The following SLCO3A1 variants were observed in gnomAD, a reference collection of about 807,000 sequenced individuals.
SLCO3A1 encodes solute carrier organic anion transporter family member 3A1.
SLCO3A1 carries 27 observed loss-of-function variants against 63.1 expected under a neutral mutation model. The ratio of observed to expected loss-of-function variants is 0.43; its 90% CI spans 0.32 to 0.59. The LOEUF is 0.59. SLCO3A1 is among the 20% of genes least tolerant of loss of function. The pLI, the probability that SLCO3A1 is intolerant of heterozygous loss-of-function variation, is 0.09. For synonymous variants in SLCO3A1, 473 were observed against 409.9 expected (o/e 1.15, Z -1.86); for missense variants, 773 against 945.8 (o/e 0.82, Z 2.40).
At chr15:91,914,567 CTTTTTTTTTTT>C (rs556314311) in intron 1 of SLCO3A1, among the ~76,000 whole-genome samples, 37 of 122,248 alleles carry the variant, frequency 3.0e-4, no homozygotes, top group African/African-American at 1.1e-3. Flanking sequence ...TATTTTCTTC[CTTTTTTTTTTT>C]TTTTTTTTGG....
intron 2 of SLCO3A1, among the ~76,000 whole-genome samples, chr15:92,049,478 A>G (rs2046930979): frequency 6.6e-6 from 1 of 152,180 alleles, no homozygotes; most frequent in South Asian, 2.1e-4. Flanking sequence ...TGCTGTCACC[A>G]TGGCAACGGA....
chr15:92,154,474 C>A (rs1386963484), intron 9 of SLCO3A1, among the ~76,000 whole-genome samples: 2 of 152,142 alleles, frequency 1.3e-5, no homozygotes, highest in African/African-American at 4.8e-5. Flanking sequence ...TATTAGTTTT[C>A]ACATAAGTAG....
intron 7 of SLCO3A1, among the ~76,000 whole-genome samples, chr15:92,134,290 G>T (rs897750434): frequency 6.6e-6 from 1 of 152,310 alleles, no homozygotes; most frequent in East Asian, 1.9e-4. Context: ...CCTGGTAATG[G>T]CTTGTCAGAA....
At chr15:91,932,188 T>C (rs955529399) in intron 2 of SLCO3A1, among the ~76,000 whole-genome samples, 1 of 152,160 alleles carries the variant, frequency 6.6e-6, no homozygotes, top group Admixed American at 6.5e-5. Context: ...TACCTCCTAG[T>C]AGGTCAGTGA....
intron 2 of SLCO3A1, among the ~76,000 whole-genome samples, chr15:92,075,144 C>T (rs1596077744): frequency 6.6e-6 from 1 of 152,316 alleles, no homozygotes; most frequent in African/African-American, 2.4e-5. Context: ...TTCCTTGTCA[C>T]CTGCTATCTT....
chr15:92,050,743 T>G (rs2046947058), intron 2 of SLCO3A1, among the ~76,000 whole-genome samples: 1 of 152,198 alleles, frequency 6.6e-6, no homozygotes, highest in Admixed American at 6.5e-5. Context: ...AATGTTTTGG[T>G]GGCTTCCTGT....
intron 4 of SLCO3A1, among the ~76,000 whole-genome samples, chr15:92,113,026 A>G (rs1322570974): frequency 6.6e-6 from 1 of 152,170 alleles, no homozygotes; most frequent in Non-Finnish European, 1.5e-5. Flanking sequence ...GCTGGCCTGG[A>G]GTAGTGAAAG....
intron 4 of SLCO3A1, among the ~76,000 whole-genome samples, chr15:92,106,289 C>T (rs554429953): frequency 6.6e-6 from 1 of 152,306 alleles, no homozygotes; most frequent in Non-Finnish European, 1.5e-5. Flanking sequence ...GATGAGAAGG[C>T]CAGCCAATCT....
chr15:92,014,295 C>G (rs1354703986), intron 2 of SLCO3A1, among the ~76,000 whole-genome samples: 1 of 152,106 alleles, frequency 6.6e-6, no homozygotes, highest in Non-Finnish European at 1.5e-5. Context: ...AACTCCGGTT[C>G]AAGCCAAATA....
At position 92,047,496 on chromosome 15, in the gene SLCO3A1, T is replaced by TAA. The variant is rs1555427665; in HGVS notation, c.647-47384_647-47383insAA. ...AAATATATATAAATATATATATAAA[T>TAA]ATATATAAATATATATAAATACATA... On this transcript the variant is annotated intron_variant, in intron 2 of 9. Transcript: ENST00000318445. 4.4e-4 allele frequency among the ~76,000 whole-genome samples: 8 copies of TAA among 18,270 alleles called. 1 individual carries two copies. The highest frequency in any genetic ancestry group is 1.2e-3 in the African/African-American group (7 of 5,688). The allele number at this position is 18,270 out of a possible 152,430, so 12.0% of individuals were successfully genotyped here. A position where few individuals can be genotyped will look rare whatever the true frequency, so the allele number is the denominator to read the frequency against.
chr15:92,130,378 G>T (rs1370671997), intron 7 of SLCO3A1, among the ~76,000 whole-genome samples: 1 of 152,200 alleles, frequency 6.6e-6, no homozygotes, highest in Admixed American at 6.5e-5. Flanking sequence ...GCCTCACATT[G>T]TCTGCTGGGG....
At chr15:92,052,867 C>T (rs189597819) in intron 2 of SLCO3A1, among the ~76,000 whole-genome samples, 7 of 151,958 alleles carry the variant, frequency 4.6e-5, no homozygotes, top group South Asian at 2.1e-4. Context: ...ATTTTGGCTA[C>T]GTTAAGTTAA....
chr15:92,021,276 G>A (rs12906289), intron 2 of SLCO3A1, among the ~76,000 whole-genome samples: 70,248 of 151,998 alleles, frequency 0.46, 17,453 homozygotes, highest in African/African-American at 0.65. Context: ...CTAGCCAACC[G>A]TGCAGTTAGC....
Position 92,135,658 on chromosome 15 carries a change from G to C in SLCO3A1, c.1512+7169G>C, listed in dbSNP as rs563338053. ...ACAGGAGACTGTCTGAGGAACGTCA[G>C]TGAATTATGAGAAAATCCATAAGTG... On this transcript the variant is annotated intron_variant, in intron 7 of 9. Transcript: ENST00000318445. 2.1e-4 allele frequency among the ~76,000 whole-genome samples: 32 copies of C among 152,356 alleles called. No individual in the cohort carries two copies. In the South Asian group the frequency reaches 6.6e-3, roughly 32 times the overall value.
At chr15:91,884,622 G>A (rs1897677921) in intron 1 of SLCO3A1, among the ~76,000 whole-genome samples, 1 of 151,636 alleles carries the variant, frequency 6.6e-6, no homozygotes, top group Non-Finnish European at 1.5e-5. Context: ...CAGATTATGT[G>A]AATCACTACA....
chr15:92,004,361 A>G (rs1412154453), intron 2 of SLCO3A1, among the ~76,000 whole-genome samples: 1 of 152,220 alleles, frequency 6.6e-6, no homozygotes, highest in Admixed American at 6.5e-5. Flanking sequence ...GGATTAAGTG[A>G]GATAATGTAT....
chr15:91,993,584 A>G (rs1251278443), intron 2 of SLCO3A1, among the ~76,000 whole-genome samples: 1 of 152,196 alleles, frequency 6.6e-6, no homozygotes, highest in East Asian at 1.9e-4. Flanking sequence ...ATGATATTCC[A>G]GACACTTAGA....
At chr15:91,937,218 G>C (rs1347491831) in intron 2 of SLCO3A1, among the ~76,000 whole-genome samples, 1 of 152,212 alleles carries the variant, frequency 6.6e-6, no homozygotes, top group East Asian at 1.9e-4. Flanking sequence ...GGGTTCATTA[G>C]AGATGGCGTT....
intron 2 of SLCO3A1, among the ~76,000 whole-genome samples, chr15:92,016,869 A>G (rs1230427825): frequency 1.3e-5 from 2 of 152,196 alleles, no homozygotes; most frequent in African/African-American, 4.8e-5. Context: ...AAATGCTTAC[A>G]TCTCAAAGTG....
Sources: gnomAD v4.1 joint callset for allele counts (sites outside exome capture counted in the v4.1 genomes callset) on GRCh38, gnomAD v4.1.1 for gene constraint, MANE v1.5 for transcripts, NCBI Gene and HGNC (gene_info 2026-07-23, HGNC 2026-07-21) for gene names.